Variants in LRBA observed in about 807,000 individuals in gnomAD.
LRBA encodes the protein lipopolysaccharide-responsive and beige-like anchor protein.
A neutral mutation model predicts 330.0 loss-of-function variants in LRBA; 176 were observed. The observed-to-expected ratio is 0.53, with a 90% CI of 0.47 to 0.60. The LOEUF (loss-of-function observed/expected upper bound fraction) is 0.60. Among genes scored for constraint, LRBA ranks in the 20% least tolerant of loss-of-function variants. LRBA has a pLI of 0.00. For missense variants in LRBA, 3,259 were observed against 3,444.8 expected (o/e 0.95, Z 1.35); for synonymous variants, 1,230 against 1,193.0 (o/e 1.03, Z -0.64).
intron 37 of LRBA, among the ~76,000 whole-genome samples, chr4:150,680,303 G>A (rs1246847540): frequency 6.6e-6 from 1 of 152,138 alleles, no homozygotes; most frequent in Non-Finnish European, 1.5e-5. Context: ...AGCTCCAAGG[G>A]AGGAATACTT....
intron 37 of LRBA, among the ~76,000 whole-genome samples, chr4:150,646,875 G>A (rs1045128369): frequency 1.5e-4 from 23 of 151,876 alleles, no homozygotes; most frequent in Middle Eastern, 3.2e-3. Context: ...ATGTTTGAGC[G>A]GTAAGTATAA....
intron 37 of LRBA, among the ~76,000 whole-genome samples, chr4:150,668,390 T>C (rs1781753183): frequency 6.6e-6 from 1 of 151,888 alleles, no homozygotes; most frequent in Non-Finnish European, 1.5e-5. Flanking sequence ...GATGTGGTGT[T>C]ACCAAATCAT....
intron 17 of LRBA, among the ~76,000 whole-genome samples, chr4:150,882,086 CA>C (rs773130822): frequency 8.7e-4 from 118 of 135,298 alleles, no homozygotes; most frequent in Middle Eastern, 3.6e-3. Context: ...AACTCTGTCT[CA>C]AAAAAAAAAA....
chr4:150,840,785 C>T lies in LRBA; in HGVS notation c.4569+3315G>A, dbSNP rs75799553. 9.8e-4 allele frequency: 364 copies of T among 370,776 alleles called. 5 individuals carry two copies. The East Asian group carries it at 0.028, about 28-fold the overall frequency. 23.0% of individuals were successfully genotyped at this position (370,776 alleles called of 1,614,324 possible). A position where few individuals can be genotyped will look rare whatever the true frequency, so the allele number is the denominator to read the frequency against. On this transcript the variant is annotated intron_variant, in intron 28 of 56. Transcript: ENST00000651943. ...AGTTCAACACAGAGTTGCCAAAAAC[C>T]ATCAATTTGTAAAAAATCCAGTAAT...
intron 48 of LRBA, among the ~76,000 whole-genome samples, chr4:150,346,412 A>T (rs185297759): frequency 3.0e-3 from 462 of 152,256 alleles, no homozygotes; most frequent in African/African-American, 0.01. Flanking sequence ...AGTCAAACTT[A>T]AAGCAAAAGT....
At chr4:151,011,137 A>G (rs1470332932) in intron 2 of LRBA, among the ~76,000 whole-genome samples, 1 of 151,836 alleles carries the variant, frequency 6.6e-6, no homozygotes, top group Non-Finnish European at 1.5e-5. Flanking sequence ...CAGTGAGCTG[A>G]GATCGCACCA....
chr4:150,484,117 A>G (rs1757605528), intron 42 of LRBA, among the ~76,000 whole-genome samples: 1 of 152,000 alleles, frequency 6.6e-6, no homozygotes, highest in South Asian at 2.1e-4. Context: ...TTCCTTTCCA[A>G]TCAGGATGTC....
rs574215406 is a variant in LRBA at position 150,571,658 on chromosome 4, T to TG, written c.6330+16389_6330+16390insC. 8.9e-3 allele frequency among the ~76,000 whole-genome samples: 1,283 copies of TG among 143,914 alleles called. 14 individuals are homozygous for TG. Among genetic ancestry groups the TG allele is most frequent in the Non-Finnish European group, 0.015 (972 of 66,056 alleles). The allele number at this position is 143,914 out of a possible 152,430, so 94.4% of individuals were successfully genotyped here. On this transcript the variant is annotated intron_variant, in intron 40 of 56. Coordinates refer to ENST00000651943, the MANE Select transcript of LRBA (RefSeq NM_001364905.1). Reference sequence around the variant, plus strand: ...AACCTACTGGTTAGTTGTTTTTTTTTTTTTTTTTTTTTTTTTGAGAAATTT... The same window carrying TG: ...AACCTACTGGTTAGTTGTTTTTTTTTGTTTTTTTTTTTTTTTTGAGAAATTT...
chr4:150,796,345 C>T (rs1003702961), intron 34 of LRBA, among the ~76,000 whole-genome samples: 4 of 151,926 alleles, frequency 2.6e-5, no homozygotes, highest in African/African-American at 9.7e-5. Flanking sequence ...CACCCCAGAA[C>T]AATCTGTATA....
At chr4:150,866,865 A>G (rs1255313195) in intron 22 of LRBA, among the ~76,000 whole-genome samples, 1 of 152,108 alleles carries the variant, frequency 6.6e-6, no homozygotes, top group Non-Finnish European at 1.5e-5. Context: ...ATTTACCTTA[A>G]GTGCAAACAT....
rs1749029973 is a variant in LRBA at position 150,422,965 on chromosome 4, G to C, written c.7042-7375C>G. The C allele has an allele frequency of 3.8e-6, 3 of 781,944 alleles. No homozygotes were observed. In the South Asian group the frequency reaches 4.0e-5, roughly 11 times the overall value. 48.4% of individuals were successfully genotyped at this position (781,944 alleles called of 1,614,324 possible). On this transcript the variant is annotated intron_variant, in intron 46 of 56. Coordinates refer to ENST00000651943, the MANE Select transcript of LRBA (RefSeq NM_001364905.1). ...ATTCTTAATGACGTTCCCTAGCCCT[G>C]AGAAGTATTTCTGGTCCAATGGTGT...
At chr4:150,306,657 G>GACAGT (rs35035800) in intron 52 of LRBA, among the ~76,000 whole-genome samples, 133,340 of 151,642 alleles carry the variant, frequency 0.88, 59,301 homozygotes, top group Non-Finnish European at 0.94. Flanking sequence ...CATTTTTAAA[G>GACAGT]ACATTAGAAG....
intron 37 of LRBA, among the ~76,000 whole-genome samples, chr4:150,667,359 T>C (rs1362941665): frequency 6.6e-6 from 1 of 151,998 alleles, no homozygotes; most frequent in Non-Finnish European, 1.5e-5. Flanking sequence ...AGAGAAGGCA[T>C]TGTGATGATG....
intron 31 of LRBA, among the ~76,000 whole-genome samples, chr4:150,810,418 A>G (rs981921789): frequency 1.9e-4 from 17 of 90,510 alleles, no homozygotes; most frequent in African/African-American, 5.3e-4. Context: ...CTTGATAATC[A>G]AAGTTGACTT....
chr4:150,994,937 T>A (rs1207364838), intron 2 of LRBA, among the ~76,000 whole-genome samples: 1 of 152,196 alleles, frequency 6.6e-6, no homozygotes, highest in African/African-American at 2.4e-5. Flanking sequence ...AATTCCCCAG[T>A]GGCTTAGAAG....
At chr4:150,784,006 GA>G (rs1167508266) in intron 34 of LRBA, among the ~76,000 whole-genome samples, 5 of 152,026 alleles carry the variant, frequency 3.3e-5, no homozygotes, top group Non-Finnish European at 7.4e-5. Flanking sequence ...CAGGAGAAAG[GA>G]AAAAGGGCAT....
chr4:150,473,783 G>A (rs997443030), intron 42 of LRBA, among the ~76,000 whole-genome samples: 4 of 152,024 alleles, frequency 2.6e-5, no homozygotes, highest in African/African-American at 9.7e-5. Flanking sequence ...AGCCTCCATG[G>A]TCATATGAGC....
intron 37 of LRBA, among the ~76,000 whole-genome samples, chr4:150,682,510 T>C (rs1020458682): frequency 1.3e-5 from 2 of 152,216 alleles, no homozygotes; most frequent in African/African-American, 4.8e-5. Context: ...ATTCATTATA[T>C]GCAAATATTC....
chr4:150,623,688 A>G (rs1017307847), intron 37 of LRBA, among the ~76,000 whole-genome samples: 10 of 152,150 alleles, frequency 6.6e-5, no homozygotes, highest in African/African-American at 2.2e-4. Context: ...TGAATATTTT[A>G]CAATGAGAAT....
Sources: gnomAD v4.1 joint callset for allele counts (sites outside exome capture counted in the v4.1 genomes callset) on GRCh38, gnomAD v4.1.1 for gene constraint, MANE v1.5 for transcripts, NCBI Gene and HGNC (gene_info 2026-07-23, HGNC 2026-07-21) for gene names.